The following IPCEF1 variants were observed in gnomAD, a reference collection of about 807,000 sequenced individuals.
IPCEF1 encodes interaction protein for cytohesin exchange factors 1, also known as interactor protein for cytohesin exchange factors 1.
Under a neutral mutation model 50.9 loss-of-function variants are expected in IPCEF1, and 31 were observed. That is an observed-to-expected ratio of 0.61 (90% CI 0.46 to 0.82). The LOEUF (loss-of-function observed/expected upper bound fraction) is 0.82. IPCEF1 is among the 40% of genes least tolerant of loss of function. IPCEF1 has a pLI of 0.00. For missense variants in IPCEF1, 458 were observed against 514.0 expected (o/e 0.89, Z 1.05); for synonymous variants, 181 against 192.0 (o/e 0.94, Z 0.47).
At chr6:154,178,219 C>G (rs1434805422) in intron 10 of IPCEF1, among the ~76,000 whole-genome samples, 1 of 152,100 alleles carries the variant, frequency 6.6e-6, no homozygotes, top group African/African-American at 2.4e-5. Flanking sequence ...AGCAAACCAC[C>G]ATGGCACATG....
intron 5 of IPCEF1, among the ~76,000 whole-genome samples, chr6:154,234,732 G>C (rs1486751971): frequency 6.6e-6 from 1 of 152,202 alleles, no homozygotes. Context: ...AAAGGGCTCT[G>C]AAGTAAGGAG....
intron 3 of IPCEF1, among the ~76,000 whole-genome samples, chr6:154,252,132 A>T (rs1025974942): frequency 6.6e-6 from 1 of 152,206 alleles, no homozygotes; most frequent in Non-Finnish European, 1.5e-5. Context: ...CTGTATAAAG[A>T]GTAGAAGTCT....
chr6:154,247,569 G>T, intron 3 of IPCEF1, 81 bp from the exon 4 acceptor site: 1 of 1,219,510 alleles, frequency 8.2e-7, no homozygotes. Flanking sequence ...GGGAGGAGGT[G>T]GCAGTGTTTA....
chr6:154,332,209 T>C lies in IPCEF1; in HGVS notation c.-62+24463A>G, dbSNP rs1199746562. 3.3e-5 allele frequency among the ~76,000 whole-genome samples: 5 copies of C among 152,076 alleles called. No individual in the cohort carries two copies. In the East Asian group the frequency reaches 9.6e-4, roughly 29 times the overall value. On this transcript the variant is annotated intron_variant, in intron 1 of 11. Transcript: ENST00000367220. ...ATGCAGAACAAATGCAACTGAAATATCAGGGATCATGATATTTTTATACTT... is the reference window on the plus strand; with the variant it reads ...ATGCAGAACAAATGCAACTGAAATACCAGGGATCATGATATTTTTATACTT...
At chr6:154,164,402 T>C (rs1353932688) in intron 11 of IPCEF1, among the ~76,000 whole-genome samples, 1 of 152,140 alleles carries the variant, frequency 6.6e-6, no homozygotes, top group Non-Finnish European at 1.5e-5. Context: ...TAGACAATAA[T>C]ACAGAAGAAG....
chr6:154,301,665 C>T (rs142203617), intron 1 of IPCEF1, among the ~76,000 whole-genome samples: 5 of 152,102 alleles, frequency 3.3e-5, no homozygotes, highest in Admixed American at 1.3e-4. Context: ...CCTGGGACTT[C>T]GGGGGATCAT....
At chr6:154,287,395 T>C (rs1236911734) in intron 2 of IPCEF1, among the ~76,000 whole-genome samples, 1 of 152,174 alleles carries the variant, frequency 6.6e-6, no homozygotes, top group African/African-American at 2.4e-5. Flanking sequence ...CTAATATTTA[T>C]TAAGTGCTTA....
At chr6:154,339,843 C>T (rs1783870279) in intron 1 of IPCEF1, among the ~76,000 whole-genome samples, 1 of 152,124 alleles carries the variant, frequency 6.6e-6, no homozygotes, top group African/African-American at 2.4e-5. Context: ...AGCGAGCCAC[C>T]CCCCTCACCT....
intron 5 of IPCEF1, among the ~76,000 whole-genome samples, chr6:154,231,458 G>A (rs1266266378): frequency 1.3e-5 from 2 of 152,204 alleles, no homozygotes; most frequent in African/African-American, 4.8e-5. Context: ...AGCATTGTTT[G>A]TATTTACAAA....
At chr6:154,328,107 A>G (rs1783566822) in intron 1 of IPCEF1, among the ~76,000 whole-genome samples, 1 of 152,174 alleles carries the variant, frequency 6.6e-6, no homozygotes, top group African/African-American at 2.4e-5. Context: ...AGACTAGCTA[A>G]TGGATGCTGG....
rs112196462 is a variant in IPCEF1, at chr6:154,226,127, C to A, written c.247-2884G>T. On this transcript the variant is annotated intron_variant, in intron 5 of 11. Coordinates refer to ENST00000367220, the MANE Select transcript of IPCEF1 (RefSeq NM_001130700.2). ...TCAGAGTTCACTAGAGTTCTGTCCA[C>A]AGACTTATTCTCTTTTTGTTCCAAA... Among the ~76,000 whole-genome samples, 273 of 152,310 alleles carry A rather than the reference C, an allele frequency of 1.8e-3. 2 individuals are homozygous for A. Among genetic ancestry groups the A allele is most frequent in the African/African-American group, 6.3e-3 (261 of 41,568 alleles).
chr6:154,339,164 G>A (rs1783851550), intron 1 of IPCEF1, among the ~76,000 whole-genome samples: 1 of 151,900 alleles, frequency 6.6e-6, no homozygotes, highest in Non-Finnish European at 1.5e-5. Context: ...CTCCTCGGTG[G>A]CCATTCTCAA....
chr6:154,328,530 A>T (rs1047591447), intron 1 of IPCEF1, among the ~76,000 whole-genome samples: 5 of 152,134 alleles, frequency 3.3e-5, no homozygotes, highest in African/African-American at 1.2e-4. Flanking sequence ...ACTTCAGCCC[A>T]AGAGTTCAAG....
At chr6:154,196,168 A>G (rs1269551250) in intron 10 of IPCEF1, among the ~76,000 whole-genome samples, 1 of 152,172 alleles carries the variant, frequency 6.6e-6, no homozygotes, top group East Asian at 1.9e-4. Flanking sequence ...AATGATATAT[A>G]CACAATATAA....
chr6:154,336,410 G>A (rs965846288), intron 1 of IPCEF1, among the ~76,000 whole-genome samples: 11 of 152,152 alleles, frequency 7.2e-5, no homozygotes, highest in African/African-American at 2.7e-4. Flanking sequence ...AGTGAAATAA[G>A]CCAGGCACAG....
At chr6:154,310,587 C>T (rs1381078497) in intron 1 of IPCEF1, among the ~76,000 whole-genome samples, 1 of 152,010 alleles carries the variant, frequency 6.6e-6, no homozygotes, top group Non-Finnish European at 1.5e-5. Flanking sequence ...ATCTGTACTC[C>T]CATGTTTATT....
At chr6:154,330,450 C>T (rs1430089118) in intron 1 of IPCEF1, among the ~76,000 whole-genome samples, 3 of 151,556 alleles carry the variant, frequency 2.0e-5, no homozygotes, top group Non-Finnish European at 4.4e-5. Flanking sequence ...AATTCTCCCA[C>T]CTCGGTCCCC....
intron 5 of IPCEF1, among the ~76,000 whole-genome samples, chr6:154,242,190 T>C (rs1270064453): frequency 1.3e-5 from 2 of 152,214 alleles, no homozygotes; most frequent in Non-Finnish European, 2.9e-5. Context: ...CTCCCACCTC[T>C]ACTTCTCAAA....
At chr6:154,305,722 A>G (rs1198243468) in intron 1 of IPCEF1, among the ~76,000 whole-genome samples, 3 of 152,190 alleles carry the variant, frequency 2.0e-5, no homozygotes, top group Non-Finnish European at 4.4e-5. Flanking sequence ...GCACCATCCA[A>G]TCAGCTGCCA....
Sources: allele counts gnomAD v4.1 joint callset (sites outside exome capture counted in the v4.1 genomes callset), GRCh38; gene constraint gnomAD v4.1.1; transcripts MANE v1.5; gene names NCBI Gene and HGNC (gene_info 2026-07-23, HGNC 2026-07-21).